The following DUSP16 variants were observed in gnomAD, a reference collection of about 807,000 sequenced individuals.
DUSP16 encodes dual specificity protein phosphatase 16.
In DUSP16, 21 loss-of-function variants were observed where a neutral mutation model predicts 58.3. That is an observed-to-expected ratio of 0.36 (90% CI 0.26 to 0.52). The LOEUF is 0.52. Among genes scored for constraint, DUSP16 ranks in the 20% least tolerant of loss-of-function variants. DUSP16 has a pLI of 0.94. For missense variants in DUSP16, 726 were observed against 819.0 expected (o/e 0.89, Z 1.39); for synonymous variants, 320 against 323.8 (o/e 0.99, Z 0.12).
rs188955718 is a variant in DUSP16 at position 12,536,453 on chromosome 12, G to A, written c.-365-14990C>T. Among the ~76,000 whole-genome samples, 8 of 152,248 alleles carry A rather than the reference G, an allele frequency of 5.3e-5. No individual in the cohort carries two copies. In the East Asian group the frequency reaches 1.4e-3, roughly 26 times the overall value. ...ACCAGAATAATTAGACATAATAAAAGGCTGAAATAGGCCGGGCACAGTGGC... is the reference window on the plus strand; with the variant it reads ...ACCAGAATAATTAGACATAATAAAAAGCTGAAATAGGCCGGGCACAGTGGC... On this transcript the variant is annotated intron_variant, in intron 1 of 6. Coordinates refer to ENST00000298573, the MANE Select transcript of DUSP16 (RefSeq NM_030640.3).
intron 5 of DUSP16, among the ~76,000 whole-genome samples, chr12:12,484,279 A>G (rs199575236): frequency 6.6e-6 from 1 of 152,182 alleles, no homozygotes; most frequent in Admixed American, 6.5e-5. Flanking sequence ...TGAAATACTG[A>G]TAAGTATTTG....
At position 12,476,897 on chromosome 12, in the gene DUSP16, T is replaced by A. The variant is rs765710175; in HGVS notation, c.1934A>T (p.Glu645Val). Reference sequence around the variant, plus strand: ...AGACTGACTGCCCACTTTCCCCAGCTCTTCCCGTGACCTGTTCTCTGACAT... The same window carrying A: ...AGACTGACTGCCCACTTTCCCCAGCACTTCCCGTGACCTGTTCTCTGACAT... The part of the protein sequence containing the change: ...SIMSENRSRE[E>V]LGKVGSQSSF... Residue 645 changes from glutamate to valine, a missense_variant, in exon 7 of 7, where the codon GAG becomes GTG. Physicochemically the swap from Glu to Val is moderately radical, Grantham distance 121 (BLOSUM62 -2). Coordinates refer to ENST00000298573, the MANE Select transcript of DUSP16 (RefSeq NM_030640.3). 6.2e-7 allele frequency: 1 copy of A among 1,613,634 alleles called. No homozygotes were observed. Among genetic ancestry groups the A allele is most frequent in the Non-Finnish European group, 8.5e-7 (1 of 1,180,022 alleles).
At chr12:12,530,388 G>C (rs940647833) in intron 1 of DUSP16, among the ~76,000 whole-genome samples, 2 of 152,242 alleles carry the variant, frequency 1.3e-5, no homozygotes, top group East Asian at 1.9e-4. Flanking sequence ...TGGAGTTCCT[G>C]ATGTTTTTGA....
intron 4 of DUSP16, among the ~76,000 whole-genome samples, chr12:12,497,042 T>C (rs1284389692): frequency 6.6e-6 from 1 of 152,278 alleles, no homozygotes; most frequent in South Asian, 2.1e-4. Flanking sequence ...CTACTCCAAA[T>C]TGAGATGTGC....
At chr12:12,488,132 T>G (rs1392368663) in intron 4 of DUSP16, among the ~76,000 whole-genome samples, 1 of 152,100 alleles carries the variant, frequency 6.6e-6, no homozygotes, top group African/African-American at 2.4e-5. Context: ...TTTCCTTGAG[T>G]CTCATTTCCT....
intron 1 of DUSP16, among the ~76,000 whole-genome samples, chr12:12,560,077 G>A (rs1944873587): frequency 6.6e-6 from 1 of 151,994 alleles, no homozygotes; most frequent in South Asian, 2.1e-4. Flanking sequence ...TGAACGAAAG[G>A]ATAGGGCATT....
At chr12:12,509,386 A>C (rs1252141319) in intron 3 of DUSP16, among the ~76,000 whole-genome samples, 1 of 152,174 alleles carries the variant, frequency 6.6e-6, no homozygotes, top group African/African-American at 2.4e-5. Flanking sequence ...GGATCAACAA[A>C]ATACATTTTA....
chr12:12,501,941 G>C (rs1399095537), intron 3 of DUSP16, among the ~76,000 whole-genome samples: 1 of 152,144 alleles, frequency 6.6e-6, no homozygotes, highest in Non-Finnish European at 1.5e-5. Context: ...AGTGAGCCGA[G>C]ATTGCGCCAC....
At chr12:12,532,879 C>T (rs367911764) in intron 1 of DUSP16, among the ~76,000 whole-genome samples, 25 of 148,892 alleles carry the variant, frequency 1.7e-4, no homozygotes, top group African/African-American at 5.7e-4. Context: ...ACCTGGGAGG[C>T]GGAGGTTGCA....
intron 1 of DUSP16, among the ~76,000 whole-genome samples, chr12:12,553,784 G>A (rs778298218): frequency 2.0e-5 from 3 of 151,614 alleles, no homozygotes; most frequent in Non-Finnish European, 4.4e-5. Flanking sequence ...CAAGTGATCC[G>A]CCCACCTCCC....
At chr12:12,499,355 T>C (rs558336990) in intron 4 of DUSP16, among the ~76,000 whole-genome samples, 1 of 152,324 alleles carries the variant, frequency 6.6e-6, no homozygotes, top group East Asian at 1.9e-4. Flanking sequence ...TCAAAGGCAT[T>C]GTGACCCCAC....
intron 3 of DUSP16, among the ~76,000 whole-genome samples, chr12:12,502,549 C>CT (rs1446885400): frequency 7.2e-6 from 1 of 138,846 alleles, no homozygotes; most frequent in South Asian, 2.2e-4. Context: ...TTCATGGTTT[C>CT]ATTTTTTTTT....
At chr12:12,528,677 T>C (rs1298876521) in intron 1 of DUSP16, among the ~76,000 whole-genome samples, 1 of 152,190 alleles carries the variant, frequency 6.6e-6, no homozygotes. Context: ...AAAGTATTCA[T>C]TATAATTTAT....
chr12:12,517,863 A>C (rs999585329), intron 3 of DUSP16, among the ~76,000 whole-genome samples: 1 of 152,218 alleles, frequency 6.6e-6, no homozygotes, highest in African/African-American at 2.4e-5. Context: ...CCTGTTTGAA[A>C]CAGGGATGTC....
At chr12:12,527,368 GA>G (rs1172232091) in intron 1 of DUSP16, among the ~76,000 whole-genome samples, 99 of 151,176 alleles carry the variant, frequency 6.5e-4, no homozygotes, top group Middle Eastern at 3.4e-3. Context: ...ATGCTACACA[GA>G]TTAAAGCAAC....
chr12:12,519,276 G>A (rs572872840), intron 3 of DUSP16, among the ~76,000 whole-genome samples: 19 of 152,236 alleles, frequency 1.2e-4, no homozygotes, highest in African/African-American at 2.2e-4. Context: ...GCATTTCTAC[G>A]TTGAGACTTT....
At chr12:12,493,691 G>A (rs1019048574) in intron 4 of DUSP16, among the ~76,000 whole-genome samples, 1 of 152,076 alleles carries the variant, frequency 6.6e-6, no homozygotes, top group Non-Finnish European at 1.5e-5. Context: ...GGCTTCTTCT[G>A]CCTGTACTGC....
intron 4 of DUSP16, among the ~76,000 whole-genome samples, chr12:12,492,114 T>G (rs539782937): frequency 2.0e-5 from 3 of 152,350 alleles, no homozygotes; most frequent in African/African-American, 7.2e-5. Flanking sequence ...CCCATGCCAC[T>G]GAACATGGCC....
intron 4 of DUSP16, among the ~76,000 whole-genome samples, chr12:12,499,302 A>G (rs1334340911): frequency 6.6e-6 from 1 of 152,158 alleles, no homozygotes; most frequent in Non-Finnish European, 1.5e-5. Flanking sequence ...TTTCTGTAAC[A>G]TAGCCTGCTT....
Sources: allele counts gnomAD v4.1 joint callset (sites outside exome capture counted in the v4.1 genomes callset), GRCh38; gene constraint gnomAD v4.1.1; transcripts MANE v1.5; gene names NCBI Gene and HGNC (gene_info 2026-07-23, HGNC 2026-07-21).